SHANK2: variants seen among roughly 807,000 people sequenced by gnomAD.
The protein encoded by SHANK2 is SH3 and multiple ankyrin repeat domains 2, also known as SH3 and multiple ankyrin repeat domains protein 2.
In SHANK2, 43 loss-of-function variants were observed where a neutral mutation model predicts 133.7. The ratio of observed to expected loss-of-function variants is 0.32; its 90% CI spans 0.25 to 0.41. SHANK2 has a LOEUF of 0.41. Ranked by LOEUF, SHANK2 falls within the 10% of genes least tolerant of loss-of-function variation. SHANK2 has a pLI of 1.00. For missense variants in SHANK2, 1,994 were observed against 2,235.8 expected (o/e 0.89, Z 2.18); for synonymous variants, 1,017 against 952.8 (o/e 1.07, Z -1.24).
intron 12 of SHANK2, among the ~76,000 whole-genome samples, chr11:70,811,593 A>T (rs1240964173): frequency 6.7e-6 from 1 of 149,388 alleles, no homozygotes; most frequent in Non-Finnish European, 1.5e-5. Flanking sequence ...CCATCCATCC[A>T]CCCATCCATC....
At chr11:71,170,823 G>A (rs940236191) in intron 2 of SHANK2, among the ~76,000 whole-genome samples, 7 of 152,236 alleles carry the variant, frequency 4.6e-5, no homozygotes, top group African/African-American at 1.7e-4. Flanking sequence ...AGACCTTCAT[G>A]CATATCAAAT....
At chr11:71,174,105 T>A (rs528198710) in intron 2 of SHANK2, among the ~76,000 whole-genome samples, 37 of 152,346 alleles carry the variant, frequency 2.4e-4, no homozygotes, top group African/African-American at 8.7e-4. Context: ...GTCGATGTAT[T>A]TCTCTTTGGA....
intron 10 of SHANK2, among the ~76,000 whole-genome samples, chr11:70,940,703 C>A (rs1347396949): frequency 3.3e-5 from 5 of 152,148 alleles, no homozygotes; most frequent in African/African-American, 1.2e-4. Flanking sequence ...GACAGCAACA[C>A]CCTGACGAGA....
intron 14 of SHANK2, among the ~76,000 whole-genome samples, chr11:70,718,399 A>G (rs946490345): frequency 1.3e-5 from 2 of 152,218 alleles, no homozygotes. Flanking sequence ...CCCTGGCCCA[A>G]GGCGTGCACT....
intron 1 of SHANK2, among the ~76,000 whole-genome samples, chr11:71,242,721 G>T (rs1252738191): frequency 6.6e-6 from 1 of 152,212 alleles, no homozygotes; most frequent in African/African-American, 2.4e-5. Flanking sequence ...GTATCCCAGA[G>T]TCTAGAGCAG....
At chr11:70,818,552 A>G (rs1347950838) in intron 12 of SHANK2, among the ~76,000 whole-genome samples, 2 of 152,162 alleles carry the variant, frequency 1.3e-5, no homozygotes, top group Admixed American at 1.3e-4. Context: ...TGTAGTCAGA[A>G]GTCTTGCTAA....
chr11:70,933,381 T>G (rs1590847677), intron 10 of SHANK2: 3 of 451,562 alleles, frequency 6.6e-6, no homozygotes, highest in South Asian at 4.7e-5. Context: ...GAACAAAGAG[T>G]TGGTGTTTAA....
chr11:70,935,362 A>G lies in SHANK2; in HGVS notation c.1108-38795T>C, dbSNP rs187472791. ...TCCTGAAACACAGCCCACACAGGTA[A>G]GAGGGGTCTGCTACAGTCTCATTTT... is the stretch of plus-strand genomic sequence containing the variant. On this transcript the variant is annotated intron_variant, in intron 10 of 25. Coordinates refer to ENST00000601538, the MANE Select transcript of SHANK2 (RefSeq NM_012309.5). Among the ~76,000 whole-genome samples, 7 of 152,258 alleles carry G rather than the reference A, an allele frequency of 4.6e-5. No homozygotes were observed. In the East Asian group the frequency reaches 9.7e-4, roughly 21 times the overall value.
chr11:70,904,000 C>T (rs1390804153), intron 10 of SHANK2, among the ~76,000 whole-genome samples: 2 of 152,200 alleles, frequency 1.3e-5, no homozygotes, highest in African/African-American at 4.8e-5. Context: ...GACCCTCGAC[C>T]TGGTGCTTCC....
intron 10 of SHANK2, among the ~76,000 whole-genome samples, chr11:70,906,676 C>G (rs1230758114): frequency 6.6e-6 from 1 of 152,174 alleles, no homozygotes; most frequent in Non-Finnish European, 1.5e-5. Flanking sequence ...GATAATGGTG[C>G]TTCATTTATT....
chr11:71,235,186 G>T (rs1391993667), intron 1 of SHANK2, among the ~76,000 whole-genome samples: 1 of 152,140 alleles, frequency 6.6e-6, no homozygotes, highest in Non-Finnish European at 1.5e-5. Flanking sequence ...TTAGGGTGGG[G>T]GGCCCCAGTC....
intron 14 of SHANK2, among the ~76,000 whole-genome samples, chr11:70,767,027 C>T (rs868939282): frequency 2.0e-5 from 3 of 152,192 alleles, no homozygotes; most frequent in East Asian, 1.9e-4. Context: ...GTGCCAGGCA[C>T]GGACACGGGG....
intron 10 of SHANK2, among the ~76,000 whole-genome samples, chr11:70,903,390 GTAAA>G (rs1950050417): frequency 1.3e-5 from 1 of 75,326 alleles, no homozygotes; most frequent in African/African-American, 5.7e-5. Flanking sequence ...ATAAAATAAA[GTAAA>G]TAAAATAAAA....
At chr11:70,758,672 C>T (rs1283324311) in intron 14 of SHANK2, among the ~76,000 whole-genome samples, 1 of 152,200 alleles carries the variant, frequency 6.6e-6, no homozygotes, top group Non-Finnish European at 1.5e-5. Flanking sequence ...CAAGGATCCC[C>T]AGTTAACAGA....
intron 17 of SHANK2, among the ~76,000 whole-genome samples, chr11:70,625,169 T>A (rs1591665858): frequency 6.6e-6 from 1 of 151,950 alleles, no homozygotes; most frequent in African/African-American, 2.4e-5. Context: ...TCCAGGAGGG[T>A]CCAGACATGG....
chr11:70,932,076 G>A (rs1950511963), intron 10 of SHANK2, among the ~76,000 whole-genome samples: 1 of 152,194 alleles, frequency 6.6e-6, no homozygotes, highest in African/African-American at 2.4e-5. Flanking sequence ...CATCGGAAAT[G>A]AGTGGAAATG....
At chr11:70,584,247 T>A (rs2136235758) in intron 17 of SHANK2, among the ~76,000 whole-genome samples, 1 of 152,290 alleles carries the variant, frequency 6.6e-6, no homozygotes, top group African/African-American at 2.4e-5. Flanking sequence ...AAGCCAGGCA[T>A]CCTGGCGCTC....
At position 70,830,497 on chromosome 11, in the gene SHANK2, C is replaced by A. The variant is rs1948710607; in HGVS notation, c.1175-9815G>T. Among the ~76,000 whole-genome samples, 1 of 152,200 alleles carries A rather than the reference C, an allele frequency of 6.6e-6. No homozygotes were observed. Among genetic ancestry groups the A allele is most frequent in the East Asian group, 1.9e-4 (1 of 5,188 alleles). On this transcript the variant is annotated intron_variant, in intron 11 of 25. Transcript: ENST00000601538. The surrounding 1 kb of genome is among the most constrained non-coding windows in gnomAD (Gnocchi z 4.4). ...CAAGCCACGGAGACCCAGAAACCTG[C>A]CACCGACCAGGTGACCTTGGAGAGC...
chr11:70,776,260 G>A (rs1555043886), intron 14 of SHANK2, among the ~76,000 whole-genome samples: 1 of 152,184 alleles, frequency 6.6e-6, no homozygotes, highest in African/African-American at 2.4e-5. Flanking sequence ...AGTGGGGGCA[G>A]GTCACCCACC....
Sources: allele counts gnomAD v4.1 joint callset (sites outside exome capture counted in the v4.1 genomes callset), GRCh38; gene constraint gnomAD v4.1.1; non-coding constraint Gnocchi (gnomAD v3.1); transcripts MANE v1.5; gene names NCBI Gene and HGNC (gene_info 2026-07-23, HGNC 2026-07-21).